NEGR1: variants seen among roughly 807,000 people sequenced by gnomAD.
The protein encoded by NEGR1 is IgLON family member 4.
A neutral mutation model predicts 40.9 loss-of-function variants in NEGR1; 10 were observed. The observed-to-expected ratio is 0.24, with a 90% CI of 0.15 to 0.42. The LOEUF (loss-of-function observed/expected upper bound fraction) is 0.42. NEGR1 is among the 10% of genes least tolerant of loss of function. The probability of loss-of-function intolerance (pLI) is 1.00; values close to 1 mark genes in which losing one functional copy is unlikely to be tolerated. For missense variants in NEGR1, 352 were observed against 438.9 expected (o/e 0.80, Z 1.77); for synonymous variants, 185 against 166.8 (o/e 1.11, Z -0.84).
Position 71,939,541 on chromosome 1 carries a change from C to T in NEGR1, c.177-4230G>A, listed in dbSNP as rs192484069. 2.2e-4 allele frequency among the ~76,000 whole-genome samples: 34 copies of T among 152,180 alleles called. No homozygotes were observed. The East Asian group carries it at 4.6e-3, about 21-fold the overall frequency. ...AAAAGCAAAGTCACACCCATGTAAACTATAATTACATGTAATTAAATGCAG... is the reference window on the plus strand; with the variant it reads ...AAAAGCAAAGTCACACCCATGTAAATTATAATTACATGTAATTAAATGCAG... On this transcript the variant is annotated intron_variant, in intron 1 of 6. Transcript: ENST00000357731.
rs554661134 is a variant in NEGR1, at chr1:71,939,789, C to T, written c.177-4478G>A. On this transcript the variant is annotated intron_variant, in intron 1 of 6. Transcript: ENST00000357731. ...ACATTTGACTCTACACTTCCGAAAC[C>T]CTTTTAAACCATTAGACATTCTGCT... Among the ~76,000 whole-genome samples, 6 of 152,198 alleles carry T rather than the reference C, an allele frequency of 3.9e-5. No homozygotes were observed. The South Asian group carries it at 1.2e-3, about 32-fold the overall frequency.
chr1:71,675,126 T>TACACACAC (rs1553157759), intron 4 of NEGR1, among the ~76,000 whole-genome samples: 5 of 77,830 alleles, frequency 6.4e-5, no homozygotes, highest in African/African-American at 8.2e-5. Context: ...TATATATATA[T>TACACACAC]ACACACACAC....
At chr1:71,618,538 G>A (rs1314020297) in intron 4 of NEGR1, among the ~76,000 whole-genome samples, 5 of 151,990 alleles carry the variant, frequency 3.3e-5, no homozygotes, top group Admixed American at 1.3e-4. Context: ...AACACACTTC[G>A]GGTGCCACTG....
chr1:72,216,523 GATA>G (rs1183032828), intron 1 of NEGR1, among the ~76,000 whole-genome samples: 1 of 150,020 alleles, frequency 6.7e-6, no homozygotes, highest in East Asian at 1.9e-4. Context: ...TTTCCAAATA[GATA>G]ATAATGACAA....
chr1:72,078,540 TATTACATGTAAAA>T (rs891818374), intron 1 of NEGR1, among the ~76,000 whole-genome samples: 10 of 151,648 alleles, frequency 6.6e-5, no homozygotes, highest in Admixed American at 5.9e-4. Flanking sequence ...GAAGAATATG[TATTACATGTAAAA>T]ATTCAGCAAC....
chr1:72,214,389 T>C (rs1323286084), intron 1 of NEGR1, among the ~76,000 whole-genome samples: 4 of 152,084 alleles, frequency 2.6e-5, no homozygotes, highest in Non-Finnish European at 5.9e-5. Flanking sequence ...GAGAATGAAA[T>C]AAAGGTATTC....
intron 4 of NEGR1, among the ~76,000 whole-genome samples, chr1:71,683,247 G>T (rs919188951): frequency 2.0e-5 from 3 of 151,984 alleles, no homozygotes; most frequent in Non-Finnish European, 4.4e-5. Context: ...CTTCGTGGGG[G>T]TCTTTGTTTA....
chr1:72,041,142 T>C (rs1424036164), intron 1 of NEGR1, among the ~76,000 whole-genome samples: 1 of 152,034 alleles, frequency 6.6e-6, no homozygotes, highest in Admixed American at 6.6e-5. Context: ...AAAAATATGC[T>C]ATATGTATGC....
At chr1:71,980,405 A>G (rs998748766) in intron 1 of NEGR1, among the ~76,000 whole-genome samples, 5 of 152,142 alleles carry the variant, frequency 3.3e-5, no homozygotes, top group Admixed American at 3.3e-4. Flanking sequence ...GATTTATTCT[A>G]GGCAATAGGG....
chr1:71,672,041 T>G (rs1652455270), intron 4 of NEGR1, among the ~76,000 whole-genome samples: 1 of 151,982 alleles, frequency 6.6e-6, no homozygotes, highest in Non-Finnish European at 1.5e-5. Flanking sequence ...GCCCTACTTC[T>G]GCTCTCTATT....
intron 6 of NEGR1, among the ~76,000 whole-genome samples, chr1:71,498,952 G>A (rs980579951): frequency 5.3e-5 from 8 of 152,208 alleles, no homozygotes; most frequent in South Asian, 2.1e-4. Flanking sequence ...ATCCAAAGTC[G>A]CTTCAAAGGC....
intron 6 of NEGR1, among the ~76,000 whole-genome samples, chr1:71,509,762 T>G (rs1647060502): frequency 6.6e-6 from 1 of 152,218 alleles, no homozygotes; most frequent in Non-Finnish European, 1.5e-5. Context: ...TCAGCACTCA[T>G]CTGGTGTTCG....
intron 6 of NEGR1, among the ~76,000 whole-genome samples, chr1:71,453,237 T>C (rs1410832193): frequency 6.6e-6 from 1 of 152,180 alleles, no homozygotes; most frequent in East Asian, 1.9e-4. Flanking sequence ...ATTCTTCAAC[T>C]AATCTTCTAC....
chr1:71,477,719 G>A (rs1646830368), intron 6 of NEGR1, among the ~76,000 whole-genome samples: 1 of 152,040 alleles, frequency 6.6e-6, no homozygotes, highest in South Asian at 2.1e-4. Context: ...TCTCTTGCTT[G>A]AAACTCCGTG....
chr1:71,749,769 G>T (rs1332827856), intron 3 of NEGR1, among the ~76,000 whole-genome samples: 2 of 152,154 alleles, frequency 1.3e-5, no homozygotes, highest in Non-Finnish European at 2.9e-5. Context: ...AATTAGTTGT[G>T]TTGGATATTT....
chr1:71,688,192 G>T (rs942360527), intron 4 of NEGR1, among the ~76,000 whole-genome samples: 4 of 149,992 alleles, frequency 2.7e-5, no homozygotes, highest in African/African-American at 9.8e-5. Flanking sequence ...AGTCTGCATG[G>T]TCGTAAGTGA....
intron 6 of NEGR1, among the ~76,000 whole-genome samples, chr1:71,443,144 A>G (rs1646559188): frequency 6.6e-6 from 1 of 152,198 alleles, no homozygotes; most frequent in Non-Finnish European, 1.5e-5. Flanking sequence ...CTATCTAAAC[A>G]TTATACTTAT....
Position 71,490,176 on chromosome 1 carries a change from C to T in NEGR1, c.941-82606G>A, listed in dbSNP as rs567781921. Among the ~76,000 whole-genome samples, 15 of 151,862 alleles carry T rather than the reference C, an allele frequency of 9.9e-5. No individual in the cohort carries two copies. The East Asian group carries it at 1.2e-3, about 12-fold the overall frequency. ...GAAGTATTATTTTTACATTCTTTTG[C>T]GGGATTGTATTCTTTTTGCTTATAT... On this transcript the variant is annotated intron_variant, in intron 6 of 6. Coordinates refer to ENST00000357731, the MANE Select transcript of NEGR1 (RefSeq NM_173808.3).
chr1:72,257,083 G>A (rs947093008), intron 1 of NEGR1, among the ~76,000 whole-genome samples: 4 of 152,060 alleles, frequency 2.6e-5, no homozygotes, highest in African/African-American at 9.7e-5. Context: ...AGCACTTTGG[G>A]AGGCCGAGGC....
Sources: allele counts gnomAD v4.1 joint callset (sites outside exome capture counted in the v4.1 genomes callset), GRCh38; gene constraint gnomAD v4.1.1; transcripts MANE v1.5; gene names NCBI Gene and HGNC (gene_info 2026-07-23, HGNC 2026-07-21).